Variants in ITGA6 observed in about 807,000 individuals in gnomAD.
The protein encoded by ITGA6 is integrin subunit alpha 6, also known as integrin alpha-6.
ITGA6 carries 63 observed loss-of-function variants against 133.6 expected under a neutral mutation model. That is an observed-to-expected ratio of 0.47 (90% CI 0.38 to 0.58). The LOEUF is 0.58. Ranked by LOEUF, ITGA6 falls within the 20% of genes least tolerant of loss-of-function variation. The probability of loss-of-function intolerance (pLI) is 0.00; values close to 1 mark genes in which losing one functional copy is unlikely to be tolerated. For missense variants in ITGA6, 1,068 were observed against 1,309.4 expected (o/e 0.82, Z 2.85); for synonymous variants, 434 against 482.0 (o/e 0.90, Z 1.30).
chr2:172,457,313 A>AG (rs1242697325), intron 1 of ITGA6, among the ~76,000 whole-genome samples: 5 of 151,636 alleles, frequency 3.3e-5, no homozygotes, highest in Non-Finnish European at 7.4e-5. Context: ...AAAAAAAAAA[A>AG]AAGAAGCAAA....
At chr2:172,497,052 C>T (rs1403197579) in intron 23 of ITGA6, among the ~76,000 whole-genome samples, 1 of 152,132 alleles carries the variant, frequency 6.6e-6, no homozygotes, top group East Asian at 1.9e-4. Context: ...TTATGAGGGT[C>T]TTTAGTGTGA....
At chr2:172,484,370 G>A (rs1686574169) in intron 11 of ITGA6, among the ~76,000 whole-genome samples, 1 of 151,356 alleles carries the variant, frequency 6.6e-6, no homozygotes, top group South Asian at 2.1e-4. Context: ...GATAGCAAAG[G>A]CACGAGGCCA....
At chr2:172,473,066 C>T (rs1686016092) in intron 5 of ITGA6, among the ~76,000 whole-genome samples, 1 of 152,108 alleles carries the variant, frequency 6.6e-6, no homozygotes, top group Admixed American at 6.6e-5. Context: ...AGCTGGACTC[C>T]ATATTGCCCT....
At chr2:172,474,782 T>A (rs1320751002) in intron 6 of ITGA6, 147 bp from the exon 7 acceptor site, 1 of 689,738 alleles carries the variant, frequency 1.4e-6, no homozygotes, top group Non-Finnish European at 2.7e-6. Context: ...TAGGCTACCT[T>A]GGTTTTTAAA....
At chr2:172,435,616 C>CTTTTTTTTTTT (rs58005683) in intron 1 of ITGA6, among the ~76,000 whole-genome samples, 13 of 82,250 alleles carry the variant, frequency 1.6e-4, no homozygotes, top group African/African-American at 4.8e-4. Context: ...AGTTTTGTTT[C>CTTTTTTTTTTT]TTTTTTTTTT....
Position 172,504,860 on chromosome 2 carries a change from A to T in ITGA6, c.*792A>T, listed in dbSNP as rs1173930829. ...CCCTTTCACTAAAACACACAGGTGCAACAGACTTGAATGCTAGTTATACTT... is the reference window on the plus strand; with the variant it reads ...CCCTTTCACTAAAACACACAGGTGCTACAGACTTGAATGCTAGTTATACTT... On this transcript the variant is annotated 3_prime_UTR_variant, in exon 26 of 26. Transcript: ENST00000684293. The T allele has an allele frequency of 6.5e-6, 1 of 152,678 alleles. No individual in the cohort carries two copies. The highest frequency in any genetic ancestry group is 6.5e-5 in the Admixed American group (1 of 15,282). The allele number at this position is 152,678 out of a possible 1,614,324, so 9.5% of individuals were successfully genotyped here.
chr2:172,471,078 G>C lies in ITGA6; in HGVS notation c.748G>C (p.Val250Leu). 1 of 1,614,194 alleles carries C rather than the reference G, an allele frequency of 6.2e-7. No homozygotes were observed. Among genetic ancestry groups the C allele is most frequent in the Non-Finnish European group, 8.5e-7 (1 of 1,180,022 alleles). Residue 250 changes from valine to leucine, a missense_variant, in exon 5 of 26, where the codon GTT becomes CTT. This residue lies in a region of ITGA6 where 317 missense variants were observed against 456.9 expected (regional missense o/e 0.69). Transcript: ENST00000684293. ...AGAGACTGAGCATGATGAAAGTCTC[G>C]TTCCTGTTCCTGCTAACAGTTACTT... ...GGETEHDESLVPVPANSYLGF... is the reference protein window; with the variant it reads ...GGETEHDESLLPVPANSYLGF...
At chr2:172,478,259 C>T (rs1045336176) in intron 9 of ITGA6, among the ~76,000 whole-genome samples, 4 of 152,144 alleles carry the variant, frequency 2.6e-5, no homozygotes, top group African/African-American at 9.7e-5. Context: ...CTTTATTGGA[C>T]CCTACCTTCA....
intron 3 of ITGA6, 107 bp from the exon 4 acceptor site, chr2:172,469,018 C>A: frequency 8.2e-7 from 1 of 1,213,732 alleles, no homozygotes; most frequent in Non-Finnish European, 1.2e-6. Context: ...CATGCTTAAT[C>A]ATCCTCTTTA....
intron 1 of ITGA6, among the ~76,000 whole-genome samples, chr2:172,451,896 T>C (rs1685018435): frequency 6.6e-6 from 1 of 152,078 alleles, no homozygotes; most frequent in Non-Finnish European, 1.5e-5. Flanking sequence ...GGAGTGGTGG[T>C]GTACTGTTCT....
chr2:172,479,598 G>C (rs1423629170), intron 9 of ITGA6, 43 bp from the exon 10 acceptor site: 2 of 1,503,054 alleles, frequency 1.3e-6, no homozygotes, highest in African/African-American at 1.4e-5. Flanking sequence ...TCACATTCAA[G>C]GTAACAGAGG....
At chr2:172,438,093 A>G (rs1271495976) in intron 1 of ITGA6, among the ~76,000 whole-genome samples, 1 of 151,758 alleles carries the variant, frequency 6.6e-6, no homozygotes, top group Non-Finnish European at 1.5e-5. Context: ...AGAGGGGAGC[A>G]GAGCCATGGC....
chr2:172,434,323 T>G (rs551506414), intron 1 of ITGA6, among the ~76,000 whole-genome samples: 2 of 152,194 alleles, frequency 1.3e-5, no homozygotes, highest in African/African-American at 4.8e-5. Flanking sequence ...TAGATGGGCC[T>G]CTCACCAGTG....
intron 1 of ITGA6, among the ~76,000 whole-genome samples, chr2:172,434,186 A>G (rs1684222601): frequency 6.6e-6 from 1 of 152,218 alleles, no homozygotes; most frequent in Non-Finnish European, 1.5e-5. Flanking sequence ...GTTGGAAAGT[A>G]TGTGGGCAAA....
At chr2:172,486,917 A>G (rs2149072440) in intron 13 of ITGA6, 106 bp from the exon 14 acceptor site, 1 of 723,820 alleles carries the variant, frequency 1.4e-6, no homozygotes, top group South Asian at 1.5e-5. Flanking sequence ...TGCATTGGTA[A>G]TTGTCACACA....
chr2:172,437,018 T>G (rs1323501721), intron 1 of ITGA6, among the ~76,000 whole-genome samples: 1 of 152,144 alleles, frequency 6.6e-6, no homozygotes, highest in Non-Finnish European at 1.5e-5. Flanking sequence ...AAGACTTTGC[T>G]GAGAAGGTGA....
rs751258050 is a variant in ITGA6 at position 172,479,664 on chromosome 2, A to G, written c.1412A>G (p.Gln471Arg). ...IFRSRPVINIQKTITVTPNRI... is the reference protein window; with the variant it reads ...IFRSRPVINIRKTITVTPNRI... ...AGATCCCGGCCTGTGATTAATATTCAGAAAACCATCACAGTAACTCCTAAC... is the reference window on the plus strand; with the variant it reads ...AGATCCCGGCCTGTGATTAATATTCGGAAAACCATCACAGTAACTCCTAAC... Residue 471 changes from glutamine to arginine, a missense_variant, in exon 10 of 26, where the codon CAG (glutamine) becomes CGG (arginine). By Grantham distance (43) the Gln-to-Arg change is conservative. Around this residue, in one of 3 missense-constraint regions of ITGA6, gnomAD observed 317 missense variants for 456.9 expected, o/e 0.69. Transcript: ENST00000684293. 6.2e-7 allele frequency: 1 copy of G among 1,614,012 alleles called. No individual in the cohort carries two copies. Among genetic ancestry groups the G allele is most frequent in the South Asian group, 1.1e-5 (1 of 91,078 alleles).
chr2:172,470,022 C>T (rs1156554094), intron 4 of ITGA6, among the ~76,000 whole-genome samples: 1 of 152,136 alleles, frequency 6.6e-6, no homozygotes, highest in Admixed American at 6.5e-5. Context: ...AATGCTATAT[C>T]ATAAAAGACA....
chr2:172,460,470 G>A (rs12622816), intron 1 of ITGA6, among the ~76,000 whole-genome samples: 33,837 of 152,092 alleles, frequency 0.22, 4,007 homozygotes, highest in East Asian at 0.29. Flanking sequence ...TAGGATGGGA[G>A]GTGGCAGTTT....
Sources: allele counts gnomAD v4.1 joint callset (sites outside exome capture counted in the v4.1 genomes callset), GRCh38; gene constraint gnomAD v4.1.1; regional missense constraint gnomAD v4.1.1; transcripts MANE v1.5; gene names NCBI Gene and HGNC (gene_info 2026-07-23, HGNC 2026-07-21).